The following LTBP1 variants were observed in gnomAD, a reference collection of about 807,000 sequenced individuals.
LTBP1 encodes latent-transforming growth factor beta-binding protein 1.
A neutral mutation model predicts 207.6 loss-of-function variants in LTBP1; 129 were observed. The ratio of observed to expected loss-of-function variants is 0.62; its 90% CI spans 0.54 to 0.72. The LOEUF (loss-of-function observed/expected upper bound fraction) is 0.72. LTBP1 is among the 30% of genes least tolerant of loss of function. LTBP1 has a pLI of 0.00. For missense variants in LTBP1, 2,281 were observed against 2,217.2 expected, an observed-to-expected ratio of 1.03 and a Z score of -0.58; for synonymous variants, 963 against 833.7, an observed-to-expected ratio of 1.16 and a Z score of -2.67.
chr2:33,164,227 TA>T (rs907336115), intron 5 of LTBP1, among the ~76,000 whole-genome samples: 36 of 151,698 alleles, frequency 2.4e-4, no homozygotes, highest in African/African-American at 8.2e-4. Context: ...TGCATGCCTG[TA>T]ATCCCAGCTG....
intron 2 of LTBP1, among the ~76,000 whole-genome samples, chr2:32,972,574 A>G (rs1220152881): frequency 1.3e-5 from 2 of 152,048 alleles, no homozygotes; most frequent in African/African-American, 2.4e-5. Context: ...ATGTAGTTGT[A>G]TGGTGATATG....
chr2:32,947,889 A>G, intron 1 of LTBP1, 71 bp downstream of exon 1: 1 of 1,224,940 alleles, frequency 8.2e-7, no homozygotes, highest in Non-Finnish European at 1.0e-6. Context: ...CTGCGGGGTC[A>G]GGGCCACTCG....
chr2:33,143,421 A>G (rs143681480), intron 5 of LTBP1, among the ~76,000 whole-genome samples: 11 of 152,330 alleles, frequency 7.2e-5, no homozygotes, highest in African/African-American at 2.6e-4. Context: ...AGGTGTACAC[A>G]GAATTTACCT....
At chr2:33,168,642 A>G (rs1473531704) in intron 5 of LTBP1, among the ~76,000 whole-genome samples, 4 of 151,742 alleles carry the variant, frequency 2.6e-5, no homozygotes, top group Non-Finnish European at 1.5e-5. Flanking sequence ...TTACATGGAG[A>G]TTTAAAGGTC....
intron 31 of LTBP1, among the ~76,000 whole-genome samples, chr2:33,378,222 T>TG (rs751259400): frequency 6.7e-4 from 95 of 141,876 alleles, no homozygotes; most frequent in African/African-American, 2.4e-3. Context: ...TGTGTGTGTG[T>TG]TTTGTTTGTT....
chr2:33,319,681 G>A (rs781160668), intron 24 of LTBP1, among the ~76,000 whole-genome samples: 2 of 152,074 alleles, frequency 1.3e-5, no homozygotes, highest in South Asian at 2.1e-4. Context: ...TGTGACTGCC[G>A]TGGAGTCCGG....
rs145157895 is a variant in LTBP1, at chr2:33,047,031, A to G, written c.863+25825A>G. Reference sequence around the variant, plus strand: ...CTTCTTTATTAGTGTGGTTAGTTGTATATCTATTTTATTAATCTTTTCCAA... The same window carrying G: ...CTTCTTTATTAGTGTGGTTAGTTGTGTATCTATTTTATTAATCTTTTCCAA... On this transcript the variant is annotated intron_variant, in intron 3 of 33. Coordinates refer to ENST00000404816, the MANE Select transcript of LTBP1 (RefSeq NM_206943.4). 5.0e-4 allele frequency among the ~76,000 whole-genome samples: 76 copies of G among 151,914 alleles called. 1 individual carries two copies. In the East Asian group the frequency reaches 0.011, roughly 22 times the overall value.
chr2:33,134,508 T>C lies in LTBP1; in HGVS notation c.1034-285T>C, dbSNP rs1401441919. On this transcript the variant is annotated intron_variant, in intron 4 of 33. Transcript: ENST00000404816. The surrounding 1 kb of genome is among the most constrained non-coding windows in gnomAD (Gnocchi z 4.4). Reference sequence around the variant, plus strand: ...CGTGAATAAAGTGCAGCATTGTGGTTAGTAATCCCACTCCAGTGACTCGAC... The same window carrying C: ...CGTGAATAAAGTGCAGCATTGTGGTCAGTAATCCCACTCCAGTGACTCGAC... 1 of 1,407,408 alleles carries C rather than the reference T, an allele frequency of 7.1e-7. No individual in the cohort carries two copies. Among genetic ancestry groups the C allele is most frequent in the African/African-American group, 1.4e-5 (1 of 69,996 alleles). The allele number at this position is 1,407,408 out of a possible 1,614,324, so 87.2% of individuals were successfully genotyped here. A position where few individuals can be genotyped will look rare whatever the true frequency, so the allele number is the denominator to read the frequency against.
At chr2:33,370,509 C>G (rs1327212161) in intron 31 of LTBP1, among the ~76,000 whole-genome samples, 5 of 152,120 alleles carry the variant, frequency 3.3e-5, no homozygotes, top group African/African-American at 1.2e-4. Flanking sequence ...GCTGCTTCCT[C>G]TGAGGAGGAA....
chr2:33,007,756 G>T (rs114308377), intron 2 of LTBP1, among the ~76,000 whole-genome samples: 1,892 of 152,296 alleles, frequency 0.012, 36 homozygotes, highest in African/African-American at 0.044. Context: ...TGAATTTGGT[G>T]CATAGGATAA....
chr2:33,110,556 C>G, intron 3 of LTBP1, 26 bp from the exon 4 acceptor site: 1 of 1,599,748 alleles, frequency 6.3e-7, no homozygotes, highest in Non-Finnish European at 8.5e-7. Flanking sequence ...TATTTAATTC[C>G]TTCTCTTTAT....
At chr2:33,061,676 T>TA (rs2077277759) in intron 3 of LTBP1, among the ~76,000 whole-genome samples, 2 of 152,202 alleles carry the variant, frequency 1.3e-5, no homozygotes, top group Admixed American at 1.3e-4. Context: ...TTCCATTGTA[T>TA]AAATATATGG....
chr2:33,315,285 C>A lies in LTBP1; in HGVS notation c.3730+16C>A. ...ACGTGTGAAGGTAAGATAAACCATA[C>A]GAAATCATATTGTTGTGTGATAAAA... On this transcript the variant is annotated intron_variant, in intron 24 of 33. Coordinates refer to ENST00000404816, the MANE Select transcript of LTBP1 (RefSeq NM_206943.4). 2 of 1,608,484 alleles carry A rather than the reference C, an allele frequency of 1.2e-6. No individual in the cohort carries two copies. The highest frequency in any genetic ancestry group is 1.7e-6 in the Non-Finnish European group (2 of 1,178,514).
chr2:33,176,708 G>A (rs1473963636), intron 5 of LTBP1, among the ~76,000 whole-genome samples: 1 of 152,102 alleles, frequency 6.6e-6, no homozygotes, highest in African/African-American at 2.4e-5. Context: ...CCAAGATGTG[G>A]AGATGGCAGG....
At chr2:33,175,954 G>A (rs1242999721) in intron 5 of LTBP1, among the ~76,000 whole-genome samples, 4 of 115,092 alleles carry the variant, frequency 3.5e-5, no homozygotes, top group African/African-American at 9.5e-5. Context: ...GAATTGAACA[G>A]TGAGAACCCA....
In LTBP1 at chr2:32,959,615, ATATATAT is replaced by A. The variant is rs1297353758; in HGVS notation, c.565+10672_565+10678del. ...TGTACGTGTATATATATATATATAT[ATATATAT>A]TTTTTTTTTTTTTTTTGAGATGGAG... On this transcript the variant is annotated intron_variant, in intron 2 of 33. Coordinates refer to ENST00000404816, the MANE Select transcript of LTBP1 (RefSeq NM_206943.4). Among the ~76,000 whole-genome samples the A allele has an allele frequency of 1.2e-3, 46 of 37,708 alleles. 1 individual carries two copies. Among genetic ancestry groups the A allele is most frequent in the African/African-American group, 3.5e-3 (42 of 12,014 alleles). 24.7% of individuals were successfully genotyped at this position (37,708 alleles called of 152,430 possible).
chr2:33,154,636 A>G (rs1006163798), intron 5 of LTBP1, among the ~76,000 whole-genome samples: 58 of 152,176 alleles, frequency 3.8e-4, no homozygotes, highest in African/African-American at 1.4e-3. Context: ...TTATCATCCA[A>G]GCGACAGTGA....
intron 7 of LTBP1, among the ~76,000 whole-genome samples, chr2:33,210,479 C>T (rs1273210404): frequency 3.9e-5 from 6 of 152,120 alleles, no homozygotes; most frequent in African/African-American, 1.4e-4. Context: ...TCCTTTTCCT[C>T]CTCTTCATCC....
At chr2:32,993,982 G>GTGTGTT (rs1254770481) in intron 2 of LTBP1, among the ~76,000 whole-genome samples, 3 of 151,216 alleles carry the variant, frequency 2.0e-5, no homozygotes, top group Admixed American at 6.6e-5. Context: ...GTGTGTGTGT[G>GTGTGTT]TGTGTGTGTG....
Sources: gnomAD v4.1 joint callset for allele counts (sites outside exome capture counted in the v4.1 genomes callset) on GRCh38, gnomAD v4.1.1 for gene constraint, Gnocchi (gnomAD v3.1) non-coding constraint, MANE v1.5 for transcripts, NCBI Gene and HGNC (gene_info 2026-07-23, HGNC 2026-07-21) for gene names.